SRBD1: variants seen among roughly 807,000 people sequenced by gnomAD.
The protein encoded by SRBD1 is S1 RNA binding domain 1.
SRBD1 carries 88 observed loss-of-function variants against 115.3 expected under a neutral mutation model. The observed-to-expected ratio is 0.76, with a 90% CI of 0.64 to 0.91. The LOEUF (loss-of-function observed/expected upper bound fraction) is 0.91, where lower values mean the gene tolerates loss of function less well. SRBD1 is among the 40% of genes least tolerant of loss of function. The pLI, the probability that SRBD1 is intolerant of heterozygous loss-of-function variation, is 0.00. For missense variants in SRBD1, 1,385 were observed against 1,177.4 expected (o/e 1.18, Z -2.58); for synonymous variants, 509 against 407.7 (o/e 1.25, Z -2.99).
intron 9 of SRBD1, among the ~76,000 whole-genome samples, chr2:45,572,947 C>T (rs995056325): frequency 2.6e-5 from 4 of 152,094 alleles, no homozygotes; most frequent in African/African-American, 9.7e-5. Flanking sequence ...ACAAAAAGAT[C>T]ACCAGCCAAA....
intron 14 of SRBD1, among the ~76,000 whole-genome samples, chr2:45,533,653 T>C (rs1422517213): frequency 6.6e-6 from 1 of 152,014 alleles, no homozygotes. Context: ...AAACTGTACA[T>C]ACGCAAACAG....
chr2:45,457,959 T>C (rs62127110), intron 16 of SRBD1, among the ~76,000 whole-genome samples: 1,765 of 152,182 alleles, frequency 0.012, 15 homozygotes, highest in Middle Eastern at 0.027. Context: ...TTAAACTAAA[T>C]TATTCCCTTT....
rs1558563586 is a variant in SRBD1, at chr2:45,414,807, C to CACACACATAGTGTGTATATAGTATGT, written c.2334-1515_2334-1514insACATACTATATACACACTATGTGTGT. 1.5e-3 allele frequency among the ~76,000 whole-genome samples: 200 copies of CACACACATAGTGTGTATATAGTATGT among 136,750 alleles called. 2 individuals are homozygous for CACACACATAGTGTGTATATAGTATGT. The highest frequency in any genetic ancestry group is 2.5e-3 in the Admixed American group (35 of 14,056). 89.7% of individuals were successfully genotyped at this position (136,750 alleles called of 152,430 possible). A position where few individuals can be genotyped will look rare whatever the true frequency, so the allele number is the denominator to read the frequency against. Reference sequence around the variant, plus strand: ...ACACATAGTGTGTATATAGTATGTACACACACATATAGTGTGTATATAGTA... The same window carrying CACACACATAGTGTGTATATAGTATGT: ...ACACATAGTGTGTATATAGTATGTACACACACATAGTGTGTATATAGTATGTACACACATATAGTGTGTATATAGTA... On this transcript the variant is annotated intron_variant, in intron 18 of 20. Transcript: ENST00000263736.
chr2:45,583,213 TAA>T (rs57312291), intron 5 of SRBD1, among the ~76,000 whole-genome samples: 88 of 145,862 alleles, frequency 6.0e-4, no homozygotes, highest in Non-Finnish European at 8.7e-4. Flanking sequence ...ACTTGTAAAT[TAA>T]AAAAAAAAAA....
At chr2:45,475,017 A>C (rs542359546) in intron 16 of SRBD1, among the ~76,000 whole-genome samples, 2 of 152,298 alleles carry the variant, frequency 1.3e-5, no homozygotes, top group African/African-American at 4.8e-5. Flanking sequence ...TGAGTAGTCC[A>C]ATGTTAATAT....
intron 14 of SRBD1, among the ~76,000 whole-genome samples, chr2:45,545,311 A>AAAAAAAAAAAAAAAAAAAC (rs1558468100): frequency 7.0e-6 from 1 of 143,628 alleles, no homozygotes; most frequent in African/African-American, 2.7e-5. Context: ...AAAAAAAAAA[A>AAAAAAAAAAAAAAAAAAAC]AAAACAGATG....
chr2:45,455,587 G>A (rs1439011961), intron 16 of SRBD1, among the ~76,000 whole-genome samples: 2 of 151,774 alleles, frequency 1.3e-5, no homozygotes, highest in Non-Finnish European at 2.9e-5. Context: ...AGGCCACTCA[G>A]AGGGAAACCC....
chr2:45,555,144 G>C (rs771148266), intron 10 of SRBD1, among the ~76,000 whole-genome samples: 4 of 152,174 alleles, frequency 2.6e-5, no homozygotes, highest in Non-Finnish European at 5.9e-5. Flanking sequence ...CCCAGAGTAT[G>C]GCCTTCCAGA....
chr2:45,531,553 T>C (rs1035904457), intron 14 of SRBD1, among the ~76,000 whole-genome samples: 6 of 151,738 alleles, frequency 4.0e-5, no homozygotes, highest in Non-Finnish European at 7.4e-5. Context: ...GTAAAGACGA[T>C]AGGAATAGAT....
rs765672762 is a variant in SRBD1 at position 45,393,138 on chromosome 2, G to GA, written c.2514-10dup. The GA allele has an allele frequency of 1.3e-6, 2 of 1,590,236 alleles. No individual in the cohort carries two copies. The highest frequency in any genetic ancestry group is 1.7e-6 in the Non-Finnish European group (2 of 1,171,652). On this transcript the variant is annotated splice_polypyrimidine_tract_variant and intron_variant, in intron 19 of 20. Coordinates refer to ENST00000263736, the MANE Select transcript of SRBD1 (RefSeq NM_018079.5). ...CAATGGATGACAAAAACCTGCAGTG[G>GA]AAAAAATAAAAAGCGCAACACTTAA...
intron 16 of SRBD1, among the ~76,000 whole-genome samples, chr2:45,450,308 G>C (rs1475074949): frequency 6.6e-6 from 1 of 152,128 alleles, no homozygotes; most frequent in Admixed American, 6.6e-5. Context: ...CATGAACTTT[G>C]TGATTTGTGG....
intron 12 of SRBD1, among the ~76,000 whole-genome samples, chr2:45,550,335 A>G (rs1672257090): frequency 6.6e-6 from 1 of 152,166 alleles, no homozygotes; most frequent in Non-Finnish European, 1.5e-5. Context: ...AAAAGACAAG[A>G]AAACCCATAC....
intron 14 of SRBD1, among the ~76,000 whole-genome samples, chr2:45,538,433 A>G (rs947815353): frequency 6.6e-6 from 1 of 152,230 alleles, no homozygotes; most frequent in Non-Finnish European, 1.5e-5. Context: ...CTAACTACAT[A>G]TCCCGATAAA....
At chr2:45,419,967 A>G in intron 16 of SRBD1, 73 bp from the exon 17 acceptor site, 1 of 1,335,710 alleles carries the variant, frequency 7.5e-7, no homozygotes, top group South Asian at 1.2e-5. Context: ...CTCTGCCTAT[A>G]TTACTGGTGG....
At chr2:45,544,542 TA>T (rs75742048) in intron 14 of SRBD1, among the ~76,000 whole-genome samples, 6,151 of 152,218 alleles carry the variant, frequency 0.04, 222 homozygotes, top group East Asian at 0.14. Context: ...GAGGCTCAAC[TA>T]AAATGGCATC....
At chr2:45,575,269 C>T (rs942518229) in intron 7 of SRBD1, among the ~76,000 whole-genome samples, 2 of 152,138 alleles carry the variant, frequency 1.3e-5, no homozygotes, top group Admixed American at 6.5e-5. Context: ...AAGCACAAAA[C>T]AAGAGTTTTC....
Position 45,389,562 on chromosome 2 carries a change from G to C in SRBD1, c.2736C>G (p.Cys912Trp). The C allele has an allele frequency of 6.2e-7, 1 of 1,613,732 alleles. No homozygotes were observed. Residue 912 changes from cysteine (C) to tryptophan (W), a missense_variant, in exon 21 of 21, where the codon TGC becomes TGG. Cys to Trp is a radical substitution (Grantham distance 215). Transcript: ENST00000263736. ...CTGTCCCAATCTGCAGATCTTCCAG[G>C]CATACTATGCTTCTCTTGAAATCAG... Reference protein sequence around the residue: ...DKPDFKRSIVCLEDLQIGTVL... With the variant: ...DKPDFKRSIVWLEDLQIGTVL...
chr2:45,541,191 C>T (rs1201400795), intron 14 of SRBD1, among the ~76,000 whole-genome samples: 1 of 152,218 alleles, frequency 6.6e-6, no homozygotes, highest in Non-Finnish European at 1.5e-5. Flanking sequence ...AAGGCTGTGG[C>T]TGGACCAGAT....
chr2:45,530,034 T>A (rs115047392), intron 14 of SRBD1, among the ~76,000 whole-genome samples: 13 of 152,082 alleles, frequency 8.5e-5, no homozygotes, highest in Non-Finnish European at 1.8e-4. Flanking sequence ...AATGGAACTA[T>A]CTAAATTCAA....
Sources: gnomAD v4.1 joint callset for allele counts (sites outside exome capture counted in the v4.1 genomes callset) on GRCh38, gnomAD v4.1.1 for gene constraint, MANE v1.5 for transcripts, NCBI Gene and HGNC (gene_info 2026-07-23, HGNC 2026-07-21) for gene names.